NT5C3A: variants seen among roughly 807,000 people sequenced by gnomAD.
NT5C3A encodes the protein cytosolic 5'-nucleotidase 3A.
In NT5C3A, 23 loss-of-function variants were observed where a neutral mutation model predicts 40.0. The ratio of observed to expected loss-of-function variants is 0.58; its 90% CI spans 0.41 to 0.81. The LOEUF (loss-of-function observed/expected upper bound fraction) is 0.81. Among genes scored for constraint, NT5C3A ranks in the 40% least tolerant of loss-of-function variants. The pLI is 0.00. For missense variants in NT5C3A, 328 were observed against 403.0 expected, an observed-to-expected ratio of 0.81 and a Z score of 1.59; for synonymous variants, 130 against 141.4, an observed-to-expected ratio of 0.92 and a Z score of 0.57.
intron 1 of NT5C3A, among the ~76,000 whole-genome samples, chr7:33,051,021 T>C (rs1306773450): frequency 6.6e-6 from 1 of 152,172 alleles, no homozygotes; most frequent in Non-Finnish European, 1.5e-5. Context: ...ACATGTCAAG[T>C]TGTTAGGCTG....
intron 1 of NT5C3A, among the ~76,000 whole-genome samples, chr7:33,030,661 A>C (rs2128001172): frequency 6.6e-6 from 1 of 152,356 alleles, no homozygotes; most frequent in Admixed American, 6.5e-5. Flanking sequence ...TGATTAAGAA[A>C]GACCTAAAAT....
chr7:33,021,381 T>C, intron 4 of NT5C3A, 24 bp from the exon 5 acceptor site: 1 of 1,605,204 alleles, frequency 6.2e-7, no homozygotes, highest in Non-Finnish European at 8.5e-7. Context: ...AATAACTTAA[T>C]CATGAAGATT....
chr7:33,050,974 G>A (rs1358650737), intron 1 of NT5C3A, among the ~76,000 whole-genome samples: 2 of 151,548 alleles, frequency 1.3e-5, no homozygotes, highest in Non-Finnish European at 3.0e-5. Context: ...TTTTTAAGGA[G>A]AGAAAAAAAA....
chr7:33,034,200 A>G (rs1786456252), intron 1 of NT5C3A, among the ~76,000 whole-genome samples: 1 of 151,956 alleles, frequency 6.6e-6, no homozygotes, highest in Non-Finnish European at 1.5e-5. Flanking sequence ...CAGACCTATC[A>G]ATATTTTTAG....
intron 1 of NT5C3A, among the ~76,000 whole-genome samples, chr7:33,051,542 C>T (rs772625721): frequency 2.0e-4 from 31 of 152,158 alleles, no homozygotes; most frequent in Non-Finnish European, 4.0e-4. Flanking sequence ...ATTCAAACTA[C>T]TATGAACATT....
chr7:33,019,860 T>C, intron 5 of NT5C3A, 136 bp from the exon 6 acceptor site: 1 of 662,806 alleles, frequency 1.5e-6, no homozygotes, highest in Non-Finnish European at 2.7e-6. Flanking sequence ...TTGAAGTTCA[T>C]CACTAATGAA....
At position 33,024,131 on chromosome 7, in the gene NT5C3A, A is replaced by C. The variant is rs1428349790; in HGVS notation, c.238-23T>G. ...TATCTGTAAGAAAAGAGTGAAATGC[A>C]TTATTGTAAACATAGCCCACATGGC... On this transcript the variant is annotated intron_variant, in intron 2 of 8. Coordinates refer to ENST00000610140, the MANE Select transcript of NT5C3A (RefSeq NM_001002010.5). 10 of 1,417,376 alleles carry C rather than the reference A, an allele frequency of 7.1e-6. No individual in the cohort carries two copies. The South Asian group carries it at 1.2e-4, about 16-fold the overall frequency. The allele number at this position is 1,417,376 out of a possible 1,614,324, so 87.8% of individuals were successfully genotyped here.
intron 1 of NT5C3A, among the ~76,000 whole-genome samples, chr7:33,060,490 T>C (rs537255546): frequency 6.6e-6 from 1 of 150,932 alleles, no homozygotes; most frequent in African/African-American, 2.4e-5. Context: ...TGTACATTAA[T>C]CTTGCTGCCC....
chr7:33,042,016 T>G (rs1355518298), intron 1 of NT5C3A, among the ~76,000 whole-genome samples: 1 of 152,108 alleles, frequency 6.6e-6, no homozygotes, highest in African/African-American at 2.4e-5. Context: ...TGAAAAAAAT[T>G]TTAAATTGCT....
Position 33,017,492 on chromosome 7 carries a change from CACCA to C in NT5C3A, c.636_639del (p.Gly213PhefsTer28). On this transcript the variant is annotated frameshift_variant, in exon 7 of 9. Transcript: ENST00000610140. LOFTEE classifies it high-confidence loss of function. ...ACAACTTTGACATTGGGATGATAAA[CACCA>C]GCTTGACGAATAACTTCCTCTAGTA... 1 of 1,613,642 alleles carries C rather than the reference CACCA, an allele frequency of 6.2e-7. No individual in the cohort carries two copies. Among genetic ancestry groups the C allele is most frequent in the African/African-American group, 1.3e-5 (1 of 75,024 alleles).
intron 1 of NT5C3A, among the ~76,000 whole-genome samples, chr7:33,030,992 T>C (rs781144522): frequency 6.6e-6 from 1 of 150,714 alleles, no homozygotes; most frequent in Non-Finnish European, 1.5e-5. Context: ...CCAGCTACTC[T>C]GGAGGCTGAG....
At chr7:33,031,503 C>T (rs1400923148) in intron 1 of NT5C3A, among the ~76,000 whole-genome samples, 2 of 151,798 alleles carry the variant, frequency 1.3e-5, no homozygotes, top group African/African-American at 2.4e-5. Flanking sequence ...GGGAGGATTG[C>T]CTGAGCCTGG....
At chr7:33,029,562 A>AT in intron 1 of NT5C3A, 1 of 802,544 alleles carries the variant, frequency 1.2e-6, no homozygotes, top group Non-Finnish European at 1.8e-6. Context: ...CACAGGATAT[A>AT]TATCATAGAC....
At chr7:33,062,040 C>T (rs556104523) in intron 1 of NT5C3A, among the ~76,000 whole-genome samples, 1 of 152,272 alleles carries the variant, frequency 6.6e-6, no homozygotes, top group East Asian at 1.9e-4. Flanking sequence ...CTGAATTTCT[C>T]CTGGATTGCC....
chr7:33,023,295 G>C (rs1785736453), intron 3 of NT5C3A, among the ~76,000 whole-genome samples: 2 of 151,926 alleles, frequency 1.3e-5, no homozygotes. Context: ...GTTTCACTCT[G>C]TTGCCCAGGC....
intron 1 of NT5C3A, among the ~76,000 whole-genome samples, chr7:33,058,922 G>T (rs561497409): frequency 2.0e-5 from 3 of 152,242 alleles, no homozygotes; most frequent in Admixed American, 6.5e-5. Context: ...TACCAACGGC[G>T]GCTCAACCCA....
intron 2 of NT5C3A, 140 bp downstream of exon 2, chr7:33,026,677 A>G: frequency 1.7e-6 from 1 of 592,480 alleles, no homozygotes; most frequent in East Asian, 3.2e-5. Flanking sequence ...TTTTTTAAAT[A>G]GAGATGGGGT....
intron 1 of NT5C3A, chr7:33,035,946 T>C: frequency 6.2e-7 from 1 of 1,613,466 alleles, no homozygotes; most frequent in Non-Finnish European, 8.5e-7. Flanking sequence ...TTTTCACATG[T>C]ACGGCAGACT....
At position 33,015,788 on chromosome 7, in the gene NT5C3A, T is replaced by C. The variant is rs142248153; in HGVS notation, c.776A>G (p.Asn259Ser). The change falls in exon 8 of 9, where the codon AAT becomes AGT. Residue 259 changes from asparagine to serine, a missense_variant. Physicochemically the swap from Asn to Ser is conservative, Grantham distance 46 (BLOSUM62 1). Transcript: ENST00000610140. ...DGALRNTEYF[N>S]QLKDNSNIIL... ...TATGTTACTATTGTCTTTTAGTTGA[T>C]TGAAATATTCTGTATTCCTCAAGGC... is the stretch of plus-strand genomic sequence containing the variant. 8.4e-5 allele frequency: 135 copies of C among 1,610,186 alleles called. No homozygotes were observed. Among genetic ancestry groups the C allele is most frequent in the Non-Finnish European group, 1.0e-4 (122 of 1,176,384 alleles).
Sources: gnomAD v4.1 joint callset for allele counts (sites outside exome capture counted in the v4.1 genomes callset) on GRCh38, gnomAD v4.1.1 for gene constraint, MANE v1.5 for transcripts, NCBI Gene and HGNC (gene_info 2026-07-23, HGNC 2026-07-21) for gene names.